The following DNAH17 variants were observed in gnomAD, a reference collection of about 807,000 sequenced individuals.
The protein encoded by DNAH17 is dynein axonemal heavy chain 17.
DNAH17 carries 376 observed loss-of-function variants against 485.6 expected under a neutral mutation model. The observed-to-expected ratio is 0.77, with a 90% CI of 0.71 to 0.84. The LOEUF is 0.84. Among genes scored for constraint, DNAH17 ranks in the 40% least tolerant of loss-of-function variants. DNAH17 has a pLI of 0.00. For missense variants in DNAH17, 6,370 were observed against 5,839.3 expected (o/e 1.09, Z -2.96); for synonymous variants, 3,031 against 2,405.9 (o/e 1.26, Z -7.60).
intron 74 of DNAH17, 87 bp downstream of exon 74, chr17:78,437,554 G>A (rs193296074): frequency 5.7e-5 from 56 of 976,382 alleles, no homozygotes; most frequent in Middle Eastern, 3.2e-4. Flanking sequence ...AGTTCAGAGC[G>A]GTCCTCAGTG....
At chr17:78,431,459 C>T (rs1445659066) in intron 75 of DNAH17, among the ~76,000 whole-genome samples, 2 of 151,484 alleles carry the variant, frequency 1.3e-5, no homozygotes, top group Non-Finnish European at 3.0e-5. Flanking sequence ...CCCCCCACCC[C>T]GAGACTCCTG....
Position 78,529,773 on chromosome 17 carries a change from G to C in DNAH17, c.3285-79C>G, listed in dbSNP as rs1215784202. On this transcript the variant is annotated intron_variant, in intron 21 of 80. Coordinates refer to ENST00000389840, the MANE Select transcript of DNAH17 (RefSeq NM_173628.4). The stretch of plus-strand genomic sequence containing the variant: ...TGATGGTACGGAGCCCCATGAGAGG[G>C]GGACGACCGCGGTGAGGTCAACTGG... 2.1e-5 allele frequency: 31 copies of C among 1,452,496 alleles called. 1 individual carries two copies. In the East Asian group the frequency reaches 3.8e-4, roughly 18 times the overall value. The allele number at this position is 1,452,496 out of a possible 1,614,324, so 90.0% of individuals were successfully genotyped here. A position where few individuals can be genotyped will look rare whatever the true frequency, so the allele number is the denominator to read the frequency against.
intron 76 of DNAH17, 95 bp downstream of exon 76, chr17:78,429,026 G>C: frequency 7.2e-7 from 1 of 1,379,916 alleles, no homozygotes; most frequent in Non-Finnish European, 1.0e-6. Flanking sequence ...CTGGGTTCTT[G>C]CTCAATTATT....
Position 78,451,601 on chromosome 17 carries a change from G to A in DNAH17, c.10602C>T (p.Phe3534=). ...KFRLILHTKY[F]NPHYKPEMQA... ...GCATCTCTGGCTTGTAGTGTGGGTT[G>A]AAGTACTTGGTGTGTAGGATCAGGC... Residue 3534 remains phenylalanine, a synonymous_variant, in exon 66 of 81, where the codon TTC becomes TTT. Coordinates refer to ENST00000389840, the MANE Select transcript of DNAH17 (RefSeq NM_173628.4). The A allele has an allele frequency of 4.3e-6, 7 of 1,611,398 alleles. No individual in the cohort carries two copies. The highest frequency in any genetic ancestry group is 5.9e-6 in the Non-Finnish European group (7 of 1,178,732).
At position 78,569,415 on chromosome 17, in the gene DNAH17, G is replaced by A. The variant is rs145896153; in HGVS notation, c.1157C>T (p.Thr386Met). 187 of 1,612,832 alleles carry A rather than the reference G, an allele frequency of 1.2e-4. No individual in the cohort carries two copies. Among genetic ancestry groups the A allele is most frequent in the Admixed American group, 6.0e-4 (36 of 59,828 alleles). ...CATGTTCACGCAGCAGAAGTCGTAC[G>A]TCTGGTAGAGCTCCTTCAGCACATT... is the stretch of plus-strand genomic sequence containing the variant. ...AVNVLKELYQ[T>M]YDFCCVNMKL... is the part of the protein sequence containing the mutation. The change falls in exon 8 of 81, where the codon ACG becomes ATG. Residue 386 changes from threonine (T) to methionine (M), a missense_variant. Coordinates refer to ENST00000389840, the MANE Select transcript of DNAH17 (RefSeq NM_173628.4).
At chr17:78,443,794 C>T (rs1410691863) in intron 71 of DNAH17, among the ~76,000 whole-genome samples, 1 of 152,146 alleles carries the variant, frequency 6.6e-6, no homozygotes, top group Non-Finnish European at 1.5e-5. Context: ...AAGTGATCCT[C>T]CCCAAAGTAC....
At chr17:78,557,017 G>A (rs940618573) in intron 14 of DNAH17, among the ~76,000 whole-genome samples, 3 of 152,154 alleles carry the variant, frequency 2.0e-5, no homozygotes, top group African/African-American at 4.8e-5. Flanking sequence ...GTTGCTGGAC[G>A]GGACCGCCCC....
At chr17:78,551,499 C>G (rs1259859724) in intron 16 of DNAH17, 36 bp downstream of exon 16, 3 of 1,603,292 alleles carry the variant, frequency 1.9e-6, no homozygotes, top group Non-Finnish European at 2.6e-6. Context: ...CCCAGGCCCC[C>G]ACAAAGCCCC....
At chr17:78,442,863 C>T (rs544032522) in intron 71 of DNAH17, among the ~76,000 whole-genome samples, 6 of 152,352 alleles carry the variant, frequency 3.9e-5, no homozygotes, top group Non-Finnish European at 7.3e-5. Flanking sequence ...AGTGCTCCCG[C>T]GGCTGTCAGT....
chr17:78,475,161 AT>A, intron 54 of DNAH17, 116 bp downstream of exon 54: 1 of 1,180,932 alleles, frequency 8.5e-7, no homozygotes, highest in Non-Finnish European at 1.2e-6. Flanking sequence ...GATAAGGACT[AT>A]TGGTGATGCT....
chr17:78,522,380 AAGAGGG>A (rs1160015483), intron 25 of DNAH17: 1 of 285,904 alleles, frequency 3.5e-6, no homozygotes, highest in Non-Finnish European at 7.0e-6. Context: ...GAGGAAGAGG[AAGAGGG>A]ACTTTTTAAT....
chr17:78,484,746 C>CG, intron 48 of DNAH17, 122 bp downstream of exon 48: 14 of 295,272 alleles, frequency 4.7e-5, no homozygotes, highest in Non-Finnish European at 7.0e-5. Flanking sequence ...AGCACCCCCC[C>CG]CACCGCCCCA....
intron 56 of DNAH17, among the ~76,000 whole-genome samples, chr17:78,465,852 G>A (rs1185299593): frequency 6.6e-6 from 1 of 151,528 alleles, no homozygotes; most frequent in Non-Finnish European, 1.5e-5. Flanking sequence ...TCCGGGAGGT[G>A]AGGGGCGCCT....
Position 78,462,846 on chromosome 17 carries a change from G to C in DNAH17, c.9172C>G (p.Gln3058Glu). Reference sequence around the variant, plus strand: ...GGCAGCCAGCCCCCCTCTCCTACCTGGGAAGCCGTGCTCTGCAGCTTCATC... The same window carrying C: ...GGCAGCCAGCCCCCCTCTCCTACCTCGGAAGCCGTGCTCTGCAGCTTCATC... ...GLMKLQSTAS[Q>E]VDDLKAKLAI... The change falls in exon 57 of 81, where the codon CAG (glutamine) becomes GAG (glutamate). Residue 3058 changes from glutamine (Q) to glutamate (E), a missense_variant and splice_region_variant. Transcript: ENST00000389840. 1.2e-6 allele frequency: 2 copies of C among 1,613,812 alleles called. No homozygotes were observed.
In DNAH17 at chr17:78,529,447, G is replaced by A. The variant is rs116286753; in HGVS notation, c.3507+25C>T. ...GATGGCTCTCCCTGCTCACCTGGAC[G>A]CAGCCACACCCACCCACCACGTACC... is the stretch of plus-strand genomic sequence containing the variant. On this transcript the variant is annotated intron_variant, in intron 22 of 80. Transcript: ENST00000389840. 2.8e-3 allele frequency: 4,510 copies of A among 1,610,390 alleles called. 37 individuals carry two copies. Among genetic ancestry groups the A allele is most frequent in the African/African-American group, 0.028 (2,090 of 74,960 alleles).
At chr17:78,483,138 C>T (rs1965771440) in intron 48 of DNAH17, among the ~76,000 whole-genome samples, 1 of 152,158 alleles carries the variant, frequency 6.6e-6, no homozygotes, top group Non-Finnish European at 1.5e-5. Flanking sequence ...GTTAGGTTCT[C>T]CTCAAATGAT....
chr17:78,529,954 C>T (rs565735202), intron 21 of DNAH17, among the ~76,000 whole-genome samples: 1 of 152,308 alleles, frequency 6.6e-6, no homozygotes, highest in Non-Finnish European at 1.5e-5. Context: ...CAGAGGCCTT[C>T]ACTAGCCTCC....
chr17:78,499,169 G>T, intron 36 of DNAH17, 57 bp from the exon 37 acceptor site: 1 of 1,253,700 alleles, frequency 8.0e-7, no homozygotes, highest in Non-Finnish European at 1.1e-6. Flanking sequence ...GAGGGCGGGC[G>T]CTGCAGGGGC....
At chr17:78,443,693 G>A (rs950403186) in intron 71 of DNAH17, among the ~76,000 whole-genome samples, 1 of 152,118 alleles carries the variant, frequency 6.6e-6, no homozygotes, top group African/African-American at 2.4e-5. Flanking sequence ...GGGACTATAG[G>A]AGCCCGCCAC....
Sources: gnomAD v4.1 joint callset for allele counts (sites outside exome capture counted in the v4.1 genomes callset) on GRCh38, gnomAD v4.1.1 for gene constraint, MANE v1.5 for transcripts, NCBI Gene and HGNC (gene_info 2026-07-23, HGNC 2026-07-21) for gene names.